DOCK1: variants seen among roughly 807,000 people sequenced by gnomAD.
DOCK1 encodes dedicator of cytokinesis 1.
Under a neutral mutation model 262.7 loss-of-function variants are expected in DOCK1, and 138 were observed. That is an observed-to-expected ratio of 0.53 (90% CI 0.46 to 0.61). The LOEUF (loss-of-function observed/expected upper bound fraction) is 0.61. DOCK1 is among the 20% of genes least tolerant of loss of function. The pLI, the probability that DOCK1 is intolerant of heterozygous loss-of-function variation, is 0.00. For missense variants in DOCK1, 1,908 were observed against 2,370.7 expected (o/e 0.80, Z 4.05); for synonymous variants, 866 against 867.4 (o/e 1.00, Z 0.03).
At chr10:127,339,340 G>C (rs1218369762) in intron 30 of DOCK1, among the ~76,000 whole-genome samples, 1 of 152,064 alleles carries the variant, frequency 6.6e-6, no homozygotes, top group Non-Finnish European at 1.5e-5. Flanking sequence ...TGACAAGAAG[G>C]GACTCTTCAA....
intron 14 of DOCK1, 28 bp downstream of exon 14, chr10:127,023,352 T>G (rs9418791): frequency 0.38 from 604,230 of 1,611,068 alleles, 114,831 homozygotes; most frequent in African/African-American, 0.48. Flanking sequence ...GGCTCATCTG[T>G]AGTGTTTCAG....
At chr10:127,214,977 G>A (rs894161132) in intron 27 of DOCK1, among the ~76,000 whole-genome samples, 12 of 152,154 alleles carry the variant, frequency 7.9e-5, no homozygotes, top group South Asian at 2.1e-4. Context: ...GCTCCTTTCC[G>A]CCTCACGTGC....
chr10:127,120,030 C>T lies in DOCK1; in HGVS notation c.2624-5444C>T, dbSNP rs149822360. On this transcript the variant is annotated intron_variant, in intron 25 of 51. Transcript: ENST00000623213. Reference sequence around the variant, plus strand: ...CTGTCTGTAATCATTGTGGATCACACTGGGGAAGGGCCGTGAAAGGGTGGC... The same window carrying T: ...CTGTCTGTAATCATTGTGGATCACATTGGGGAAGGGCCGTGAAAGGGTGGC... Among the ~76,000 whole-genome samples the T allele has an allele frequency of 1.4e-4, 21 of 152,298 alleles. 1 individual carries two copies. The East Asian group carries it at 4.1e-3, about 29-fold the overall frequency.
intron 38 of DOCK1, among the ~76,000 whole-genome samples, chr10:127,397,067 T>TAA (rs1366308934): frequency 7.3e-5 from 10 of 137,236 alleles, no homozygotes; most frequent in African/African-American, 3.0e-4. Flanking sequence ...GAGCATGAGT[T>TAA]ACACGGGCAG....
Position 127,447,441 on chromosome 10 carries a change from C to T in DOCK1, c.5461C>T (p.Pro1821Ser). The T allele has an allele frequency of 1.2e-6, 2 of 1,613,390 alleles. No individual in the cohort carries two copies. The highest frequency in any genetic ancestry group is 1.7e-6 in the Non-Finnish European group (2 of 1,179,596). Residue 1821 changes from proline (P) to serine (S), a missense_variant, in exon 51 of 52, where the codon CCC (proline) becomes TCC (serine). Pro to Ser is a moderately conservative substitution (Grantham distance 74, BLOSUM62 -1). Coordinates refer to ENST00000623213, the MANE Select transcript of DOCK1 (RefSeq NM_001290223.2). ...GGGGGCGGACGTGGCCGATGTCCCA[C>T]CCCCTCTGCCTCTCAAAGGCAGCGT... ...MTGADVADVP[P>S]PLPLKGSVAD...
chr10:127,018,682 G>T, intron 12 of DOCK1, 28 bp from the exon 13 acceptor site: 2 of 1,613,802 alleles, frequency 1.2e-6, no homozygotes, highest in African/African-American at 1.3e-5. Context: ...GATAAAATGC[G>T]ACTTAAGAGC....
At chr10:126,985,076 G>A (rs911794454) in intron 4 of DOCK1, among the ~76,000 whole-genome samples, 10 of 147,272 alleles carry the variant, frequency 6.8e-5, no homozygotes, top group African/African-American at 2.5e-4. Flanking sequence ...TGCCTCCTGC[G>A]TTCAAGCGAT....
intron 30 of DOCK1, 98 bp downstream of exon 30, chr10:127,339,182 T>A: frequency 9.2e-7 from 1 of 1,083,280 alleles, no homozygotes; most frequent in Non-Finnish European, 1.4e-6. Flanking sequence ...TCCTTGAACT[T>A]AATTGGTCTC....
intron 27 of DOCK1, among the ~76,000 whole-genome samples, chr10:127,193,801 C>G (rs2056914520): frequency 6.6e-6 from 1 of 152,166 alleles, no homozygotes; most frequent in African/African-American, 2.4e-5. Flanking sequence ...CCCTTTCCTG[C>G]CACAGGGGAA....
At chr10:127,392,980 A>G (rs1367126723) in intron 38 of DOCK1, among the ~76,000 whole-genome samples, 2 of 152,198 alleles carry the variant, frequency 1.3e-5, no homozygotes, top group South Asian at 2.1e-4. Context: ...AAATGACTAC[A>G]GCAGTTTATT....
chr10:127,421,100 A>G (rs556554404), intron 46 of DOCK1, among the ~76,000 whole-genome samples: 20 of 151,982 alleles, frequency 1.3e-4, no homozygotes, highest in African/African-American at 4.6e-4. Flanking sequence ...TGTACTTGTA[A>G]TGGAGATGGG....
chr10:127,404,503 G>C (rs2067401635), intron 40 of DOCK1, 74 bp downstream of exon 40: 10 of 1,455,030 alleles, frequency 6.9e-6, no homozygotes, highest in African/African-American at 5.6e-5. Context: ...TTCTGAGGAA[G>C]GGTGGGGAGT....
At chr10:127,052,542 A>T in intron 21 of DOCK1, 139 bp from the exon 22 acceptor site, 19 of 1,186,882 alleles carry the variant, frequency 1.6e-5, no homozygotes, top group Non-Finnish European at 2.0e-5. Context: ...AAAAAAAAAG[A>T]GAAAACGTTT....
At chr10:126,942,801 G>A (rs888380522) in intron 1 of DOCK1, among the ~76,000 whole-genome samples, 52,978 of 151,950 alleles carry the variant, frequency 0.35, 9,330 homozygotes, top group Non-Finnish European at 0.37. Flanking sequence ...CTGGATGGGC[G>A]TTTATTTGCA....
chr10:127,249,204 A>G (rs772038782), intron 28 of DOCK1, among the ~76,000 whole-genome samples: 10 of 152,130 alleles, frequency 6.6e-5, no homozygotes, highest in Non-Finnish European at 1.3e-4. Flanking sequence ...AATGATCTGT[A>G]TGAGTTTTTT....
intron 11 of DOCK1, among the ~76,000 whole-genome samples, chr10:127,011,655 G>A (rs1032365163): frequency 2.6e-5 from 4 of 152,168 alleles, no homozygotes; most frequent in African/African-American, 4.8e-5. Context: ...AGCGCCACAC[G>A]TGGGACTAGG....
intron 32 of DOCK1, among the ~76,000 whole-genome samples, chr10:127,359,216 G>C (rs539887341): frequency 6.6e-6 from 1 of 151,926 alleles, no homozygotes; most frequent in Non-Finnish European, 1.5e-5. Context: ...ACTGGTTTAC[G>C]AAGAGTCAGT....
In DOCK1 at chr10:127,216,016, G is replaced by C. The variant is rs74386537; in HGVS notation, c.2848-31992G>C. ...CTAACTGCTGCTTTCCATCTGAAACGTAAGCCTTCAGAGATGTTGCTCCCC... is the reference window on the plus strand; with the variant it reads ...CTAACTGCTGCTTTCCATCTGAAACCTAAGCCTTCAGAGATGTTGCTCCCC... On this transcript the variant is annotated intron_variant, in intron 27 of 51. Transcript: ENST00000623213. Among the ~76,000 whole-genome samples the C allele has an allele frequency of 4.4e-3, 670 of 152,194 alleles. 5 individuals are homozygous for C. The highest frequency in any genetic ancestry group is 0.015 in the African/African-American group (640 of 41,524).
intron 1 of DOCK1, among the ~76,000 whole-genome samples, chr10:126,948,662 C>G (rs1184079204): frequency 2.0e-5 from 3 of 151,900 alleles, no homozygotes; most frequent in Admixed American, 1.3e-4. Context: ...GTATGCTGAG[C>G]CAGAGGCACT....
Sources: allele counts gnomAD v4.1 joint callset (sites outside exome capture counted in the v4.1 genomes callset), GRCh38; gene constraint gnomAD v4.1.1; transcripts MANE v1.5; gene names NCBI Gene and HGNC (gene_info 2026-07-23, HGNC 2026-07-21).